Variants in TPRG1 observed in about 807,000 individuals in gnomAD.
The protein encoded by TPRG1 is tumor protein p63-regulated gene 1 protein.
A neutral mutation model predicts 29.3 loss-of-function variants in TPRG1; 29 were observed. That is an observed-to-expected ratio of 0.99 (90% CI 0.74 to 1.35). The LOEUF (loss-of-function observed/expected upper bound fraction) is 1.35. Ranked by LOEUF, TPRG1 falls within the 40% of genes most tolerant of loss-of-function variation. TPRG1 has a pLI of 0.00. For synonymous variants in TPRG1, 130 were observed against 116.8 expected (o/e 1.11, Z -0.73); for missense variants, 327 against 335.0 (o/e 0.98, Z 0.19).
intron 4 of TPRG1, among the ~76,000 whole-genome samples, chr3:189,089,323 T>C (rs1308845403): frequency 3.3e-5 from 5 of 152,234 alleles, no homozygotes; most frequent in Admixed American, 3.3e-4. Flanking sequence ...TTTTTCAAGA[T>C]TCTTCTGTAG....
At chr3:189,266,478 G>C (rs761816615) in intron 4 of TPRG1, among the ~76,000 whole-genome samples, 9 of 152,170 alleles carry the variant, frequency 5.9e-5, no homozygotes, top group Non-Finnish European at 1.3e-4. Context: ...AACTAACGGA[G>C]AGCTGGAGCC....
intron 1 of TPRG1, chr3:189,190,917 C>T (rs1322548951): frequency 1.0e-6 from 1 of 980,842 alleles, no homozygotes; most frequent in Non-Finnish European, 1.2e-6. Context: ...CAAAACCAAA[C>T]ATTATCCCTT....
intron 4 of TPRG1, among the ~76,000 whole-genome samples, chr3:189,047,094 C>A (rs1033711313): frequency 3.0e-4 from 46 of 151,900 alleles, no homozygotes; most frequent in African/African-American, 1.1e-3. Context: ...GTAGATGGAG[C>A]GAAGGATGCT....
chr3:189,238,262 C>T (rs1046273445), intron 3 of TPRG1, among the ~76,000 whole-genome samples: 7 of 152,214 alleles, frequency 4.6e-5, no homozygotes, highest in Admixed American at 6.5e-5. Context: ...CAGTCTCCGA[C>T]TTACTTCCAG....
intron 4 of TPRG1, among the ~76,000 whole-genome samples, chr3:189,148,496 G>A (rs1446889212): frequency 6.6e-6 from 1 of 152,106 alleles, no homozygotes; most frequent in Non-Finnish European, 1.5e-5. Flanking sequence ...CTCGCACTGT[G>A]GCAAAAAGGA....
chr3:189,114,036 C>T (rs1348950460), intron 1 of TPRG1, among the ~76,000 whole-genome samples: 3 of 151,936 alleles, frequency 2.0e-5, no homozygotes, highest in African/African-American at 7.3e-5. Flanking sequence ...AAAAGAAAAG[C>T]CAGATATTTA....
At chr3:189,180,588 C>A (rs1730076355) in intron 1 of TPRG1, among the ~76,000 whole-genome samples, 1 of 152,228 alleles carries the variant, frequency 6.6e-6, no homozygotes, top group African/African-American at 2.4e-5. Context: ...TCATGTCTCA[C>A]ATCCAGGTCA....
At chr3:189,008,442 G>T (rs1232973572) in intron 3 of TPRG1, among the ~76,000 whole-genome samples, 1 of 152,164 alleles carries the variant, frequency 6.6e-6, no homozygotes, top group Non-Finnish European at 1.5e-5. Context: ...CTTTACAGGT[G>T]ATTCCAATGT....
upstream of TPRG1, chr3:189,171,957 G>GTGTAACTCTCAGCCTA (rs1728866080): frequency 6.6e-6 from 1 of 152,242 alleles, no homozygotes; most frequent in African/African-American, 2.4e-5. Flanking sequence ...GAGGGTGGCA[G>GTGTAACTCTCAGCCTA]TGTAACTCTC....
At chr3:189,024,564 T>G (rs1318381680) in intron 4 of TPRG1, among the ~76,000 whole-genome samples, 2 of 152,216 alleles carry the variant, frequency 1.3e-5, no homozygotes, top group Admixed American at 6.5e-5. Flanking sequence ...GCAGCTGTGC[T>G]GTGCTGGGGG....
At chr3:189,131,634 GC>G (rs1723121937) in intron 2 of TPRG1, among the ~76,000 whole-genome samples, 1 of 152,180 alleles carries the variant, frequency 6.6e-6, no homozygotes, top group Non-Finnish European at 1.5e-5. Context: ...AAGCCAAAAT[GC>G]AGATACACAG....
At chr3:189,106,532 T>C (rs950893535) in intron 1 of TPRG1, among the ~76,000 whole-genome samples, 1 of 152,168 alleles carries the variant, frequency 6.6e-6, no homozygotes, top group African/African-American at 2.4e-5. Flanking sequence ...GTCTTTTCCA[T>C]TAGACTATTA....
At chr3:189,192,792 G>A (rs982341480) in intron 1 of TPRG1, among the ~76,000 whole-genome samples, 1 of 152,008 alleles carries the variant, frequency 6.6e-6, no homozygotes, top group African/African-American at 2.4e-5. Flanking sequence ...AACTTTTGAT[G>A]TTTTCTTGAT....
At chr3:189,275,256 T>C (rs1715933932) in intron 4 of TPRG1, among the ~76,000 whole-genome samples, 1 of 152,148 alleles carries the variant, frequency 6.6e-6, no homozygotes. Flanking sequence ...GCAATGAGCA[T>C]GAATATGTGT....
chr3:189,291,980 C>T (rs1011128301), intron 4 of TPRG1, among the ~76,000 whole-genome samples: 5 of 152,130 alleles, frequency 3.3e-5, no homozygotes, highest in Non-Finnish European at 7.4e-5. Flanking sequence ...AGGTGAGCTC[C>T]GGGAGGACAG....
intron 1 of TPRG1, among the ~76,000 whole-genome samples, chr3:189,178,492 C>T (rs1351247609): frequency 6.6e-6 from 1 of 152,176 alleles, no homozygotes; most frequent in South Asian, 2.1e-4. Context: ...GCACTCCAGC[C>T]TGGGCGATAG....
intron 1 of TPRG1, among the ~76,000 whole-genome samples, chr3:189,198,035 G>C (rs910211586): frequency 6.6e-6 from 1 of 152,198 alleles, no homozygotes; most frequent in Non-Finnish European, 1.5e-5. Flanking sequence ...AGCGAATACA[G>C]AGAAAGTGTG....
chr3:189,026,905 C>T (rs1713694374), intron 4 of TPRG1, among the ~76,000 whole-genome samples: 1 of 152,180 alleles, frequency 6.6e-6, no homozygotes, highest in Non-Finnish European at 1.5e-5. Context: ...TGACTCCACA[C>T]CCAGGCTGTC....
intron 4 of TPRG1, among the ~76,000 whole-genome samples, chr3:189,071,129 G>T (rs963482653): frequency 6.6e-6 from 1 of 151,598 alleles, no homozygotes; most frequent in East Asian, 1.9e-4. Context: ...CAGACCAGGT[G>T]CCCAAAGCAG....
Sources: allele counts gnomAD v4.1 joint callset (sites outside exome capture counted in the v4.1 genomes callset), GRCh38; gene constraint gnomAD v4.1.1; transcripts MANE v1.5; gene names NCBI Gene and HGNC (gene_info 2026-07-23, HGNC 2026-07-21).